Variants in PTPRD observed in about 807,000 individuals in gnomAD.
PTPRD encodes the protein protein tyrosine phosphatase receptor type D, also known as receptor-type tyrosine-protein phosphatase delta.
Under a neutral mutation model 214.5 loss-of-function variants are expected in PTPRD, and 34 were observed. The observed-to-expected ratio is 0.16, with a 90% CI of 0.12 to 0.21. The LOEUF is 0.21. Among genes scored for constraint, PTPRD ranks in the 10% least tolerant of loss-of-function variants. The probability of loss-of-function intolerance (pLI) is 1.00; values close to 1 mark genes in which losing one functional copy is unlikely to be tolerated. For synonymous variants in PTPRD, 1,128 were observed against 845.7 expected (o/e 1.33, Z -5.79); for missense variants, 2,545 against 2,398.7 (o/e 1.06, Z -1.27).
At chr9:9,845,138 ATATATATAT>A (rs2059251424) in intron 5 of PTPRD, among the ~76,000 whole-genome samples, 1 of 1,414 alleles carries the variant, frequency 7.1e-4, no homozygotes, top group Admixed American at 9.1e-3. Context: ...AGAGCAATAT[ATATATATAT>A]TGCTCTATAT....
chr9:9,648,412 A>G (rs903419118), intron 7 of PTPRD, among the ~76,000 whole-genome samples: 2 of 152,200 alleles, frequency 1.3e-5, no homozygotes, highest in Non-Finnish European at 2.9e-5. Flanking sequence ...GTATGGTCAT[A>G]ACGTTCTGTC....
chr9:8,386,255 T>A (rs1442655234), intron 37 of PTPRD, among the ~76,000 whole-genome samples: 2 of 152,198 alleles, frequency 1.3e-5, no homozygotes, highest in Non-Finnish European at 2.9e-5. Flanking sequence ...GTGCCCTACT[T>A]GGAACTGTCC....
intron 3 of PTPRD, among the ~76,000 whole-genome samples, chr9:10,179,200 T>G (rs369077973): frequency 2.6e-5 from 4 of 152,072 alleles, no homozygotes; most frequent in South Asian, 4.1e-4. Context: ...AAGTAACATT[T>G]AAATATTGAA....
At chr9:9,521,477 C>A (rs2096970772) in intron 8 of PTPRD, among the ~76,000 whole-genome samples, 1 of 152,160 alleles carries the variant, frequency 6.6e-6, no homozygotes, top group Non-Finnish European at 1.5e-5. Flanking sequence ...GGTATATCAT[C>A]TGCATCTTGA....
chr9:8,443,766 C>T (rs777260044), intron 34 of PTPRD, among the ~76,000 whole-genome samples: 10 of 152,126 alleles, frequency 6.6e-5, no homozygotes, highest in Non-Finnish European at 1.2e-4. Context: ...ATGATTGGTG[C>T]ACCACCAATG....
At chr9:10,516,348 T>C (rs1040145951) in intron 2 of PTPRD, among the ~76,000 whole-genome samples, 3 of 151,916 alleles carry the variant, frequency 2.0e-5, no homozygotes, top group African/African-American at 7.2e-5. Flanking sequence ...TTCTTATATA[T>C]CTGTTAGCCA....
At chr9:9,702,783 TA>T (rs1452012251) in intron 7 of PTPRD, among the ~76,000 whole-genome samples, 1 of 152,152 alleles carries the variant, frequency 6.6e-6, no homozygotes, top group Non-Finnish European at 1.5e-5. Flanking sequence ...GGTTATCAAT[TA>T]ATACACTTAA....
At chr9:10,127,707 C>G (rs968800605) in intron 3 of PTPRD, among the ~76,000 whole-genome samples, 1 of 151,976 alleles carries the variant, frequency 6.6e-6, no homozygotes, top group African/African-American at 2.4e-5. Context: ...ATTCATTAAC[C>G]TCTTCCATTT....
rs1457625730 is a variant in PTPRD, at chr9:8,754,896, C to G, written c.-103-20950G>C. ...TGGGGAAATGGGGTGGAGATAAAAG[C>G]CTTAAACAGGCAATTCACAAAAGAG... On this transcript the variant is annotated intron_variant, in intron 11 of 45. Transcript: ENST00000381196. 2.0e-5 allele frequency among the ~76,000 whole-genome samples: 3 copies of G among 152,032 alleles called. No individual in the cohort carries two copies. The East Asian group carries it at 5.8e-4, about 29-fold the overall frequency.
At chr9:8,409,786 G>A (rs978889851) in intron 35 of PTPRD, among the ~76,000 whole-genome samples, 1 of 152,026 alleles carries the variant, frequency 6.6e-6, no homozygotes, top group Non-Finnish European at 1.5e-5. Flanking sequence ...CACAAAAAAA[G>A]ATCATCCTGT....
At chr9:10,018,374 T>G (rs529666754) in intron 4 of PTPRD, among the ~76,000 whole-genome samples, 4 of 152,250 alleles carry the variant, frequency 2.6e-5, no homozygotes, top group African/African-American at 9.6e-5. Context: ...TATCTGTCAG[T>G]TTCAGAGCTT....
intron 11 of PTPRD, among the ~76,000 whole-genome samples, chr9:8,833,867 G>C (rs2097354091): frequency 6.6e-6 from 1 of 150,868 alleles, no homozygotes; most frequent in African/African-American, 2.4e-5. Flanking sequence ...AAAAATGACA[G>C]CTATATACTG....
At chr9:9,020,913 G>A (rs1289896196) in intron 10 of PTPRD, among the ~76,000 whole-genome samples, 2 of 152,128 alleles carry the variant, frequency 1.3e-5, no homozygotes, top group African/African-American at 4.8e-5. Context: ...AGAGTGAAAA[G>A]CGGTTCTAGG....
At chr9:10,099,976 T>C (rs768276781) in intron 3 of PTPRD, among the ~76,000 whole-genome samples, 12 of 151,752 alleles carry the variant, frequency 7.9e-5, no homozygotes, top group Non-Finnish European at 1.8e-4. Flanking sequence ...ATCCAGCATA[T>C]ATAAACATGT....
intron 3 of PTPRD, among the ~76,000 whole-genome samples, chr9:10,130,749 A>C (rs1554698102): frequency 6.6e-6 from 1 of 152,134 alleles, no homozygotes; most frequent in Non-Finnish European, 1.5e-5. Context: ...GCTAAAGAGA[A>C]AACTGAAAAA....
At chr9:10,373,155 A>G (rs2097663316) in intron 2 of PTPRD, among the ~76,000 whole-genome samples, 1 of 151,712 alleles carries the variant, frequency 6.6e-6, no homozygotes, top group African/African-American at 2.4e-5. Context: ...AAAAAAAAAA[A>G]AAAAATTGAT....
intron 7 of PTPRD, among the ~76,000 whole-genome samples, chr9:9,627,376 T>C (rs2095455251): frequency 6.6e-6 from 1 of 152,210 alleles, no homozygotes; most frequent in Admixed American, 6.5e-5. Flanking sequence ...TCCTGCTTAA[T>C]TTGTGTGTAT....
At chr9:9,842,298 ATTTTTTTTTT>A (rs138386194) in intron 5 of PTPRD, among the ~76,000 whole-genome samples, 4 of 91,400 alleles carry the variant, frequency 4.4e-5, no homozygotes, top group South Asian at 4.6e-4. Context: ...GAAGGAGAGC[ATTTTTTTTTT>A]TTTTTTTTTT....
intron 8 of PTPRD, among the ~76,000 whole-genome samples, chr9:9,516,249 C>T (rs961524520): frequency 6.6e-6 from 1 of 152,108 alleles, no homozygotes; most frequent in Non-Finnish European, 1.5e-5. Flanking sequence ...TCTATTTTAA[C>T]TCCCATCCAT....
Sources: gnomAD v4.1 joint callset for allele counts (sites outside exome capture counted in the v4.1 genomes callset) on GRCh38, gnomAD v4.1.1 for gene constraint, MANE v1.5 for transcripts, NCBI Gene and HGNC (gene_info 2026-07-23, HGNC 2026-07-21) for gene names.